The following LRP1B variants were observed in gnomAD, a reference collection of about 807,000 sequenced individuals.
The protein encoded by LRP1B is LDL receptor related protein 1B, also known as low-density lipoprotein receptor-related protein 1B.
A neutral mutation model predicts 556.6 loss-of-function variants in LRP1B; 217 were observed. The observed-to-expected ratio is 0.39, with a 90% CI of 0.35 to 0.44. The LOEUF (loss-of-function observed/expected upper bound fraction) is 0.44. Ranked by LOEUF, LRP1B falls within the 20% of genes least tolerant of loss-of-function variation. The pLI, the probability that LRP1B is intolerant of heterozygous loss-of-function variation, is 1.00. For missense variants in LRP1B, 5,053 were observed against 5,620.8 expected, an observed-to-expected ratio of 0.90 and a Z score of 3.23; for synonymous variants, 2,047 against 1,865.8, an observed-to-expected ratio of 1.10 and a Z score of -2.50.
intron 1 of LRP1B, among the ~76,000 whole-genome samples, chr2:141,923,588 G>A (rs1160498142): frequency 6.7e-6 from 1 of 148,748 alleles, no homozygotes; most frequent in Admixed American, 6.7e-5. Context: ...TGCCCTATAT[G>A]GTAATGTTAC....
chr2:140,458,207 T>C (rs1687181675), intron 60 of LRP1B, among the ~76,000 whole-genome samples: 1 of 152,122 alleles, frequency 6.6e-6, no homozygotes, highest in African/African-American at 2.4e-5. Flanking sequence ...ATGAGCACTT[T>C]TACTTGCAAG....
chr2:142,031,995 T>C (rs1472138379), intron 1 of LRP1B, among the ~76,000 whole-genome samples: 1 of 151,840 alleles, frequency 6.6e-6, no homozygotes, highest in Admixed American at 6.6e-5. Context: ...AGGAGGAGAC[T>C]TTGAACATAT....
chr2:140,852,304 G>T (rs755944192), intron 27 of LRP1B, among the ~76,000 whole-genome samples: 1 of 152,154 alleles, frequency 6.6e-6, no homozygotes, highest in Non-Finnish European at 1.5e-5. Context: ...TCCAACCTGG[G>T]TGACAGAGTG....
chr2:142,030,910 A>G (rs1435415403), intron 1 of LRP1B, among the ~76,000 whole-genome samples: 1 of 151,846 alleles, frequency 6.6e-6, no homozygotes, highest in African/African-American at 2.4e-5. Context: ...TTGAAATCCA[A>G]ATGTTCCTCA....
At chr2:142,022,035 C>T (rs893313095) in intron 1 of LRP1B, among the ~76,000 whole-genome samples, 4 of 152,036 alleles carry the variant, frequency 2.6e-5, no homozygotes. Flanking sequence ...ACTCTTAGAA[C>T]ACAACGAGCA....
intron 1 of LRP1B, among the ~76,000 whole-genome samples, chr2:141,895,275 A>G (rs1364917683): frequency 6.6e-6 from 1 of 152,126 alleles, no homozygotes; most frequent in East Asian, 1.9e-4. Flanking sequence ...GGCTGAGTCT[A>G]TGAGGTATTT....
chr2:141,882,605 G>A (rs1049654905), intron 1 of LRP1B, among the ~76,000 whole-genome samples: 1 of 152,188 alleles, frequency 6.6e-6, no homozygotes, highest in African/African-American at 2.4e-5. Flanking sequence ...AGCTGCCAGA[G>A]AATGAGTTAA....
At chr2:141,480,651 G>C in intron 2 of LRP1B, 118 bp from the exon 3 acceptor site, 1 of 986,606 alleles carries the variant, frequency 1.0e-6, no homozygotes, top group Non-Finnish European at 1.6e-6. Flanking sequence ...AATACTGTAA[G>C]AGTGCTGCTC....
intron 3 of LRP1B, among the ~76,000 whole-genome samples, chr2:141,342,946 G>A (rs1688124312): frequency 6.6e-6 from 1 of 152,084 alleles, no homozygotes; most frequent in East Asian, 1.9e-4. Flanking sequence ...TTGACATGAA[G>A]GAAAAAAATG....
chr2:140,760,449 C>T (rs151139513), intron 35 of LRP1B, among the ~76,000 whole-genome samples: 3 of 152,290 alleles, frequency 2.0e-5, no homozygotes, highest in East Asian at 3.9e-4. Flanking sequence ...GATAAACAAT[C>T]GTAGATCAAC....
intron 1 of LRP1B, among the ~76,000 whole-genome samples, chr2:142,019,363 AT>A (rs1352569978): frequency 1.3e-5 from 2 of 152,132 alleles, no homozygotes; most frequent in African/African-American, 2.4e-5. Context: ...TAACCTTGGG[AT>A]GTTCTTTGAC....
rs546681379 is a variant in LRP1B at position 140,646,541 on chromosome 2, T to A, written c.6800-44902A>T. 3.9e-5 allele frequency among the ~76,000 whole-genome samples: 6 copies of A among 152,316 alleles called. No individual in the cohort carries two copies. In the East Asian group the frequency reaches 9.6e-4, roughly 24 times the overall value. On this transcript the variant is annotated intron_variant, in intron 41 of 90. Coordinates refer to ENST00000389484, the MANE Select transcript of LRP1B (RefSeq NM_018557.3). ...GTGAGCTCTCTTTGATGCCAGTCTATGCACTTTTTTATATCCAGCTGCCTC... is the reference window on the plus strand; with the variant it reads ...GTGAGCTCTCTTTGATGCCAGTCTAAGCACTTTTTTATATCCAGCTGCCTC...
intron 43 of LRP1B, among the ~76,000 whole-genome samples, chr2:140,545,984 T>C (rs946232218): frequency 6.8e-6 from 1 of 147,360 alleles, no homozygotes; most frequent in East Asian, 2.2e-4. Context: ...CCTCACTGGT[T>C]AGCTGTATTA....
intron 86 of LRP1B, among the ~76,000 whole-genome samples, chr2:140,256,587 G>A (rs35890818): frequency 6.8e-6 from 1 of 146,620 alleles, no homozygotes; most frequent in African/African-American, 2.5e-5. Flanking sequence ...TCCTGCCTCA[G>A]ACTCCTGAGT....
rs185545281 is a variant in LRP1B, at chr2:140,928,722, G to A, written c.3137-5575C>T. Among the ~76,000 whole-genome samples the A allele has an allele frequency of 2.8e-3, 428 of 152,074 alleles. 1 individual carries two copies. Among genetic ancestry groups the A allele is most frequent in the Non-Finnish European group, 5.1e-3 (347 of 67,984 alleles). On this transcript the variant is annotated intron_variant, in intron 20 of 90. Coordinates refer to ENST00000389484, the MANE Select transcript of LRP1B (RefSeq NM_018557.3). ...TGATGACTGCCATCAGGAATGACTT[G>A]GTTATAGGAAAAATATTAAAAAGGG...
chr2:141,468,075 A>G (rs1160052354), intron 3 of LRP1B, among the ~76,000 whole-genome samples: 2 of 152,182 alleles, frequency 1.3e-5, no homozygotes, highest in Non-Finnish European at 2.9e-5. Context: ...AAGAAAAGAC[A>G]AATTAAACCA....
At chr2:141,959,273 T>C (rs1400757059) in intron 1 of LRP1B, among the ~76,000 whole-genome samples, 1 of 151,970 alleles carries the variant, frequency 6.6e-6, no homozygotes, top group Non-Finnish European at 1.5e-5. Context: ...GTGGCAGCCT[T>C]TTCTTTTTCC....
At position 141,526,631 on chromosome 2, in the gene LRP1B, C is replaced by A. The variant is rs1463648340; in HGVS notation, c.206-46098G>T. Among the ~76,000 whole-genome samples the A allele has an allele frequency of 5.9e-5, 9 of 151,940 alleles. No homozygotes were observed. In the East Asian group the frequency reaches 1.7e-3, roughly 29 times the overall value. On this transcript the variant is annotated intron_variant, in intron 2 of 90. Transcript: ENST00000389484. The stretch of plus-strand genomic sequence containing the variant: ...TTACTGACACTGCCTTCCACTTGCT[C>A]TCCTGCTTAATGTTTTAATTGTAAT...
chr2:141,642,436 T>G (rs997798796), intron 2 of LRP1B, among the ~76,000 whole-genome samples: 2 of 152,044 alleles, frequency 1.3e-5, no homozygotes, highest in South Asian at 4.1e-4. Context: ...GCAGGCTTTA[T>G]AGGAAAAAGT....
Sources: allele counts gnomAD v4.1 joint callset (sites outside exome capture counted in the v4.1 genomes callset), GRCh38; gene constraint gnomAD v4.1.1; transcripts MANE v1.5; gene names NCBI Gene and HGNC (gene_info 2026-07-23, HGNC 2026-07-21).